Variants in CEP192 observed in about 807,000 individuals in gnomAD.
The protein encoded by CEP192 is centrosomal protein 192, also known as centrosomal protein of 192 kDa.
A neutral mutation model predicts 271.8 loss-of-function variants in CEP192; 151 were observed. The ratio of observed to expected loss-of-function variants is 0.56; its 90% CI spans 0.49 to 0.64. CEP192 has a LOEUF of 0.64. Ranked by LOEUF, CEP192 falls within the 30% of genes least tolerant of loss-of-function variation. The pLI is 0.00. For missense variants in CEP192, 2,910 were observed against 3,020.5 expected (o/e 0.96, Z 0.86); for synonymous variants, 995 against 1,076.5 (o/e 0.92, Z 1.48).
At chr18:13,044,486 T>A (rs1467009293) in intron 15 of CEP192, among the ~76,000 whole-genome samples, 3 of 152,132 alleles carry the variant, frequency 2.0e-5, no homozygotes. Context: ...GTTCACTAGT[T>A]TTTTGTTCTG....
rs187257081 is a variant in CEP192 at position 13,118,764 on chromosome 18, A to G, written c.7475+1121A>G. On this transcript the variant is annotated intron_variant, in intron 44 of 44. Transcript: ENST00000506447. ...TTGTGAGGAATGTAAGAGACGTGGT[A>G]ATAATGCCCAGACATAGCAAGCGTC... Among the ~76,000 whole-genome samples the G allele has an allele frequency of 8.0e-3, 1,216 of 152,308 alleles. 37 individuals are homozygous for G. Among genetic ancestry groups the G allele is most frequent in the Admixed American group, 0.051 (778 of 15,292 alleles).
chr18:13,077,819 T>C (rs2038371105), intron 30 of CEP192, among the ~76,000 whole-genome samples: 1 of 152,208 alleles, frequency 6.6e-6, no homozygotes, highest in African/African-American at 2.4e-5. Flanking sequence ...TACTGAGAAG[T>C]TGAAAGGATT....
Position 13,052,917 on chromosome 18 carries a change from A to C in CEP192, c.3018-2A>C, listed in dbSNP as rs1204107217. ...CAGGTGTGAGCTACTCTTCTCTTTCAGGTGTGCGTTAGAGTCCTTTGGTTC... is the reference window on the plus strand; with the variant it reads ...CAGGTGTGAGCTACTCTTCTCTTTCCGGTGTGCGTTAGAGTCCTTTGGTTC... On this transcript the variant is annotated splice_acceptor_variant, in intron 17 of 44. Coordinates refer to ENST00000506447, the MANE Select transcript of CEP192 (RefSeq NM_032142.4). LOFTEE classifies it high-confidence loss of function. The C allele has an allele frequency of 1.3e-6, 2 of 1,569,890 alleles. No homozygotes were observed. Among genetic ancestry groups the C allele is most frequent in the South Asian group, 1.2e-5 (1 of 85,616 alleles).
chr18:13,123,306 G>C (rs895163072), intron 44 of CEP192, among the ~76,000 whole-genome samples: 3 of 151,936 alleles, frequency 2.0e-5, no homozygotes, highest in African/African-American at 7.3e-5. Flanking sequence ...TAATGCATTT[G>C]GGGAAAATAA....
intron 17 of CEP192, among the ~76,000 whole-genome samples, chr18:13,051,391 G>A (rs977309754): frequency 5.3e-5 from 8 of 152,094 alleles, no homozygotes; most frequent in African/African-American, 1.4e-4. Flanking sequence ...GCGTGTGTGC[G>A]GGAGTGCATG....
rs1036936176 is a variant in CEP192, at chr18:13,100,235, A to T, written c.6664-70A>T. ...GCATTTCTTTTCTCTACCATGGTTTAAAAATGGAATTGTTTCGTTTAAAGT... is the reference window on the plus strand; with the variant it reads ...GCATTTCTTTTCTCTACCATGGTTTTAAAATGGAATTGTTTCGTTTAAAGT... On this transcript the variant is annotated intron_variant, in intron 37 of 44. Transcript: ENST00000506447. 16 of 1,062,168 alleles carry T rather than the reference A, an allele frequency of 1.5e-5. No individual in the cohort carries two copies. In the Admixed American group the frequency reaches 1.9e-4, roughly 12 times the overall value. The allele number at this position is 1,062,168 out of a possible 1,614,324, so 65.8% of individuals were successfully genotyped here. A position where few individuals can be genotyped will look rare whatever the true frequency, so the allele number is the denominator to read the frequency against.
At chr18:13,107,728 T>C (rs1243668625) in intron 40 of CEP192, among the ~76,000 whole-genome samples, 2 of 152,218 alleles carry the variant, frequency 1.3e-5, no homozygotes, top group African/African-American at 4.8e-5. Context: ...TCCAATTGAA[T>C]TGTTTTTATT....
At chr18:13,077,415 C>T (rs1482007522) in intron 30 of CEP192, among the ~76,000 whole-genome samples, 2 of 152,172 alleles carry the variant, frequency 1.3e-5, no homozygotes, top group Non-Finnish European at 2.9e-5. Flanking sequence ...AAATCTAGAA[C>T]ACCTCTGGTC....
chr18:13,036,234 A>G (rs887700328), intron 11 of CEP192, among the ~76,000 whole-genome samples: 1 of 152,152 alleles, frequency 6.6e-6, no homozygotes, highest in Non-Finnish European at 1.5e-5. Flanking sequence ...GACAGGTAGG[A>G]AGCCTCAGTG....
chr18:13,073,146 A>G lies in CEP192; in HGVS notation c.5577A>G (p.Lys1859=). 6.2e-7 allele frequency: 1 copy of G among 1,612,658 alleles called. No homozygotes were observed. The highest frequency in any genetic ancestry group is 8.5e-7 in the Non-Finnish European group (1 of 1,179,648). The change falls in exon 30 of 45, where the codon AAA becomes AAG. Residue 1859 remains lysine (K), a synonymous_variant. Coordinates refer to ENST00000506447, the MANE Select transcript of CEP192 (RefSeq NM_032142.4). ...GCATGTTGGCTAGACTAGAAATCAAACAACTTGGAAATCGATCACAACCAG... is the reference window on the plus strand; with the variant it reads ...GCATGTTGGCTAGACTAGAAATCAAGCAACTTGGAAATCGATCACAACCAG... ...LSCMLARLEI[K]QLGNRSQPGI...
At chr18:13,095,720 G>A (rs749117196) in intron 35 of CEP192, 39 bp downstream of exon 35, 42 of 1,572,380 alleles carry the variant, frequency 2.7e-5, no homozygotes, top group Non-Finnish European at 3.6e-5. Context: ...GGTGTGTTCC[G>A]GCGTCCGGGC....
intron 21 of CEP192, among the ~76,000 whole-genome samples, chr18:13,065,580 C>T (rs2037651473): frequency 6.6e-6 from 1 of 152,156 alleles, no homozygotes; most frequent in Non-Finnish European, 1.5e-5. Context: ...AATTGTGATT[C>T]TTTAATCAAT....
intron 38 of CEP192, among the ~76,000 whole-genome samples, chr18:13,102,758 G>A (rs1274762046): frequency 6.6e-6 from 1 of 152,130 alleles, no homozygotes; most frequent in East Asian, 1.9e-4. Context: ...AGACTGGCAG[G>A]GTCCCGGCCC....
At position 13,124,692 on chromosome 18, in the gene CEP192, A is replaced by G; in HGVS notation, c.7536A>G (p.Glu2512=). ...AACCGAAGTCCGCAGGCAAATTTGAAGCTTTGCTTGTCATTCAAACAGATG... is the reference window on the plus strand; with the variant it reads ...AACCGAAGTCCGCAGGCAAATTTGAGGCTTTGCTTGTCATTCAAACAGATG... ...QFKPKSAGKF[E]ALLVIQTDEG... The change falls in exon 45 of 45, where the codon GAA becomes GAG. Residue 2512 remains glutamate, a synonymous_variant. Transcript: ENST00000506447. The G allele has an allele frequency of 1.2e-6, 2 of 1,614,084 alleles. No homozygotes were observed. Among genetic ancestry groups the G allele is most frequent in the Non-Finnish European group, 1.7e-6 (2 of 1,179,964 alleles).
intron 30 of CEP192, among the ~76,000 whole-genome samples, chr18:13,084,323 A>C (rs943999822): frequency 6.6e-6 from 1 of 152,190 alleles, no homozygotes; most frequent in Non-Finnish European, 1.5e-5. Context: ...CTCAAGCCTC[A>C]GCAATGGTGG....
At chr18:13,068,337 A>T (rs369255558) in intron 23 of CEP192, 22 bp from the exon 24 acceptor site, 1 of 1,608,262 alleles carries the variant, frequency 6.2e-7, no homozygotes, top group Non-Finnish European at 8.5e-7. Flanking sequence ...CATTAAGACA[A>T]ATTTTTCTTT....
rs1008859152 is a variant in CEP192 at position 13,071,156 on chromosome 18, G to A, written c.5292G>A (p.Ser1764=). The A allele has an allele frequency of 2.5e-6, 4 of 1,614,010 alleles. No homozygotes were observed. The highest frequency in any genetic ancestry group is 2.7e-5 in the African/African-American group (2 of 74,908). ...LSPGPCLDIP[S]ILSNKQFLAW... ...CTGGACCTTGCTTAGATATTCCATC[G>A]ATTTTGTCCAACAAACAATTTCTGG... Residue 1764 remains serine (S), a synonymous_variant, in exon 28 of 45, where the codon TCG becomes TCA. Coordinates refer to ENST00000506447, the MANE Select transcript of CEP192 (RefSeq NM_032142.4).
At chr18:13,068,747 C>A in intron 24 of CEP192, 105 bp from the exon 25 acceptor site, 1 of 1,201,472 alleles carries the variant, frequency 8.3e-7, no homozygotes, top group South Asian at 1.4e-5. Flanking sequence ...ATCTGCTTGC[C>A]TAAATTTTCT....
chr18:13,082,333 T>G (rs144108656), intron 30 of CEP192, among the ~76,000 whole-genome samples: 20,771 of 152,034 alleles, frequency 0.14, 1,532 homozygotes, highest in East Asian at 0.31. Flanking sequence ...CTCTTCTCGT[T>G]GAATTGATCT....
Sources: allele counts gnomAD v4.1 joint callset (sites outside exome capture counted in the v4.1 genomes callset), GRCh38; gene constraint gnomAD v4.1.1; transcripts MANE v1.5; gene names NCBI Gene and HGNC (gene_info 2026-07-23, HGNC 2026-07-21).